RGS7: variants seen among roughly 807,000 people sequenced by gnomAD.
RGS7 encodes regulator of G protein signaling 7, also known as regulator of G-protein signaling 7.
RGS7 carries 27 observed loss-of-function variants against 81.1 expected under a neutral mutation model. The observed-to-expected ratio is 0.33, with a 90% CI of 0.25 to 0.46. The LOEUF (loss-of-function observed/expected upper bound fraction) is 0.46. Ranked by LOEUF, RGS7 falls within the 20% of genes least tolerant of loss-of-function variation. The pLI, the probability that RGS7 is intolerant of heterozygous loss-of-function variation, is 1.00. For synonymous variants in RGS7, 208 were observed against 207.7 expected (o/e 1.00, Z -0.01); for missense variants, 396 against 607.4 (o/e 0.65, Z 3.66).
chr1:240,919,663 C>A, intron 6 of RGS7: 2 of 506,902 alleles, frequency 3.9e-6, no homozygotes, highest in South Asian at 2.5e-5. Context: ...ATGCCTAAGT[C>A]AGAGTCTCCT....
chr1:240,903,870 G>A (rs261803), intron 6 of RGS7, among the ~76,000 whole-genome samples: 85,669 of 152,000 alleles, frequency 0.56, 25,017 homozygotes, highest in Middle Eastern at 0.69. Context: ...ATCTCTGCAC[G>A]TCAGCTCTCC....
intron 6 of RGS7, among the ~76,000 whole-genome samples, chr1:240,879,003 G>C (rs963114138): frequency 2.6e-5 from 4 of 152,078 alleles, no homozygotes; most frequent in Non-Finnish European, 2.9e-5. Context: ...GGTATCAAAG[G>C]GTTGTGGCGA....
chr1:240,857,791 G>A (rs142121591), intron 9 of RGS7, among the ~76,000 whole-genome samples: 6 of 152,016 alleles, frequency 3.9e-5, no homozygotes, highest in East Asian at 1.9e-4. Context: ...TGTAGTTCCC[G>A]TAATCCCCAT....
intron 4 of RGS7, among the ~76,000 whole-genome samples, chr1:240,973,702 G>T (rs1407904311): frequency 6.6e-6 from 1 of 150,990 alleles, no homozygotes; most frequent in Non-Finnish European, 1.5e-5. Flanking sequence ...CCATTCTCCT[G>T]CCTCAGCCTC....
chr1:240,928,177 T>C (rs1674787124), intron 6 of RGS7, among the ~76,000 whole-genome samples: 1 of 152,200 alleles, frequency 6.6e-6, no homozygotes, highest in African/African-American at 2.4e-5. Flanking sequence ...CTCCAGGATA[T>C]ATAAACCCTG....
intron 6 of RGS7, chr1:240,919,756 A>C: frequency 1.5e-6 from 1 of 654,498 alleles, no homozygotes; most frequent in Non-Finnish European, 2.7e-6. Flanking sequence ...CATTTTCAGC[A>C]ATGGGGAATG....
intron 2 of RGS7, among the ~76,000 whole-genome samples, chr1:241,238,237 A>G (rs1191984473): frequency 1.3e-5 from 2 of 152,196 alleles, no homozygotes; most frequent in African/African-American, 2.4e-5. Context: ...GTGTGTGTGT[A>G]CATGCATATA....
At chr1:241,120,254 T>C (rs566608183) in intron 2 of RGS7, among the ~76,000 whole-genome samples, 1 of 152,330 alleles carries the variant, frequency 6.6e-6, no homozygotes, top group South Asian at 2.1e-4. Flanking sequence ...CTGCTCAAGT[T>C]CAGGGGCTTT....
At chr1:241,035,515 C>T (rs1056732590) in intron 3 of RGS7, among the ~76,000 whole-genome samples, 7 of 152,122 alleles carry the variant, frequency 4.6e-5, no homozygotes, top group African/African-American at 1.2e-4. Flanking sequence ...TGGGCTTTCT[C>T]GATGACATCT....
At chr1:241,000,331 A>C (rs192858574) in intron 3 of RGS7, among the ~76,000 whole-genome samples, 1 of 152,290 alleles carries the variant, frequency 6.6e-6, no homozygotes, top group East Asian at 1.9e-4. Context: ...TTTGGGGAGA[A>C]TAAAAATTTC....
chr1:241,322,263 G>A (rs980072492), intron 2 of RGS7, among the ~76,000 whole-genome samples: 2 of 152,126 alleles, frequency 1.3e-5, no homozygotes, highest in Non-Finnish European at 2.9e-5. Context: ...GCACATACTA[G>A]GTGTACAACA....
intron 3 of RGS7, among the ~76,000 whole-genome samples, chr1:241,078,876 C>A (rs1006197701): frequency 6.6e-6 from 1 of 152,060 alleles, no homozygotes; most frequent in Non-Finnish European, 1.5e-5. Flanking sequence ...TCATTTGCAA[C>A]GGGAGAAATG....
chr1:240,850,272 G>A (rs1337973456), intron 9 of RGS7, among the ~76,000 whole-genome samples: 2 of 152,180 alleles, frequency 1.3e-5, no homozygotes, highest in African/African-American at 4.8e-5. Context: ...CCAATAGCAT[G>A]TGCTTGCTTG....
intron 6 of RGS7, among the ~76,000 whole-genome samples, chr1:240,899,065 G>T (rs261817): frequency 0.34 from 52,289 of 151,904 alleles, 9,391 homozygotes; most frequent in East Asian, 0.51. Context: ...TCTGATCTTT[G>T]TTAGTTTAAA....
intron 2 of RGS7, among the ~76,000 whole-genome samples, chr1:241,213,633 C>T (rs1343647126): frequency 6.6e-6 from 1 of 152,204 alleles, no homozygotes; most frequent in Non-Finnish European, 1.5e-5. Context: ...GAACTTCTTA[C>T]AGTGTAATTT....
intron 6 of RGS7, among the ~76,000 whole-genome samples, chr1:240,908,829 TG>T (rs1482265034): frequency 6.6e-6 from 1 of 152,232 alleles, no homozygotes; most frequent in African/African-American, 2.4e-5. Flanking sequence ...CACCTAAATC[TG>T]TGATTCTCAA....
chr1:241,281,570 G>A, intron 2 of RGS7, among the ~76,000 whole-genome samples: 1 of 152,208 alleles, frequency 6.6e-6, no homozygotes, highest in Non-Finnish European at 1.5e-5. Context: ...AGTCATGTGA[G>A]TTGCTTGATA....
intron 9 of RGS7, among the ~76,000 whole-genome samples, chr1:240,845,771 A>G (rs1658961381): frequency 6.6e-6 from 1 of 152,218 alleles, no homozygotes; most frequent in Non-Finnish European, 1.5e-5. Context: ...GTTCTCTTAC[A>G]TTTTGTAGAA....
At chr1:241,149,900 C>T (rs1001568581) in intron 2 of RGS7, among the ~76,000 whole-genome samples, 9 of 152,098 alleles carry the variant, frequency 5.9e-5, no homozygotes, top group Non-Finnish European at 1.3e-4. Flanking sequence ...CTCAGCCTCC[C>T]GAGTAGCTGG....
Sources: gnomAD v4.1 joint callset for allele counts (sites outside exome capture counted in the v4.1 genomes callset) on GRCh38, gnomAD v4.1.1 for gene constraint, MANE v1.5 for transcripts, NCBI Gene and HGNC (gene_info 2026-07-23, HGNC 2026-07-21) for gene names.